PLEKHH2: variants seen among roughly 807,000 people sequenced by gnomAD.
PLEKHH2 encodes the protein pleckstrin homology, MyTH4 and FERM domain containing H2.
Under a neutral mutation model 187.9 loss-of-function variants are expected in PLEKHH2, and 129 were observed. The observed-to-expected ratio is 0.69, with a 90% confidence interval of 0.59 to 0.79. The LOEUF is 0.79. Ranked by LOEUF, PLEKHH2 falls within the 30% of genes least tolerant of loss-of-function variation. The pLI is 0.00. For synonymous variants in PLEKHH2, 686 were observed against 605.6 expected, an observed-to-expected ratio of 1.13 and a Z score of -1.95; for missense variants, 2,076 against 1,751.2, an observed-to-expected ratio of 1.19 and a Z score of -3.31.
intron 21 of PLEKHH2, 80 bp from the exon 22 acceptor site, chr2:43,742,661 G>A (rs973540945): frequency 3.8e-5 from 41 of 1,090,364 alleles, no homozygotes; most frequent in Admixed American, 7.2e-5. Flanking sequence ...TAATGTACAC[G>A]GATGCTTTCT....
chr2:43,637,956 C>G (rs1192666131), intron 1 of PLEKHH2, among the ~76,000 whole-genome samples: 2 of 152,184 alleles, frequency 1.3e-5, no homozygotes, highest in African/African-American at 4.8e-5. Context: ...ACACTTTTTA[C>G]CCGTCGATAT....
At chr2:43,666,869 T>C (rs1326428580) in intron 2 of PLEKHH2, among the ~76,000 whole-genome samples, 1 of 152,196 alleles carries the variant, frequency 6.6e-6, no homozygotes, top group Non-Finnish European at 1.5e-5. Context: ...TCAGATGTGT[T>C]TTGCACTAAT....
intron 2 of PLEKHH2, among the ~76,000 whole-genome samples, chr2:43,645,221 T>C (rs778736797): frequency 6.6e-6 from 1 of 152,170 alleles, no homozygotes; most frequent in Non-Finnish European, 1.5e-5. Context: ...TGACTAAGTA[T>C]ATATTGCTAA....
At chr2:43,744,871 A>G (rs1671713236) in intron 23 of PLEKHH2, among the ~76,000 whole-genome samples, 1 of 141,620 alleles carries the variant, frequency 7.1e-6, no homozygotes, top group Non-Finnish European at 1.6e-5. Flanking sequence ...GTCTCACAAA[A>G]AAAAAAAAAA....
intron 2 of PLEKHH2, chr2:43,675,607 C>T (rs1382209404): frequency 1.2e-6 from 2 of 1,613,428 alleles, no homozygotes; most frequent in Non-Finnish European, 1.7e-6. Context: ...TACATCTCTT[C>T]CTTCATAATC....
At chr2:43,747,374 G>A (rs181246341) in intron 24 of PLEKHH2, among the ~76,000 whole-genome samples, 26 of 152,244 alleles carry the variant, frequency 1.7e-4, no homozygotes, top group African/African-American at 6.0e-4. Context: ...GGGAGACCTC[G>A]GGAGGCTTCT....
At chr2:43,693,742 G>GAAAAAAAAAAAAA (rs1304124515) in intron 4 of PLEKHH2, among the ~76,000 whole-genome samples, 8 of 99,168 alleles carry the variant, frequency 8.1e-5, no homozygotes, top group South Asian at 3.1e-4. Context: ...AAAAAAAAAG[G>GAAAAAAAAAAAAA]AAAAAATTGC....
At chr2:43,682,421 C>T (rs1295502038) in intron 3 of PLEKHH2, among the ~76,000 whole-genome samples, 1 of 152,094 alleles carries the variant, frequency 6.6e-6, no homozygotes, top group Non-Finnish European at 1.5e-5. Context: ...ATTCTCCTGC[C>T]TCAGCCTCCC....
At chr2:43,668,327 T>C (rs2195837) in intron 2 of PLEKHH2, among the ~76,000 whole-genome samples, 71,147 of 152,142 alleles carry the variant, frequency 0.47, 17,206 homozygotes, top group Non-Finnish European at 0.51. Context: ...CCATCGCACC[T>C]GGCCACATTC....
At chr2:43,684,840 A>C in intron 3 of PLEKHH2, among the ~76,000 whole-genome samples, 1 of 150,822 alleles carries the variant, frequency 6.6e-6, no homozygotes, top group Middle Eastern at 3.5e-3. Flanking sequence ...AAAAAAAGAG[A>C]GAGAATTACA....
In PLEKHH2 at chr2:43,710,585, T is replaced by A; in HGVS notation, c.2301+10T>A. 6 of 298,414 alleles carry A rather than the reference T, an allele frequency of 2.0e-5. No homozygotes were observed. Among genetic ancestry groups the A allele is most frequent in the South Asian group, 3.9e-5 (1 of 25,712 alleles). The allele number at this position is 298,414 out of a possible 1,614,324, so 18.5% of individuals were successfully genotyped here. A position where few individuals can be genotyped will look rare whatever the true frequency, so the allele number is the denominator to read the frequency against. On this transcript the variant is annotated intron_variant, in intron 14 of 29. Coordinates refer to ENST00000282406, the MANE Select transcript of PLEKHH2 (RefSeq NM_172069.4). ...CAAACAAACAGTTCAGGTACTTAAC[T>A]TTTTTTTTTTTTTTTTTTTTTTTGT...
intron 17 of PLEKHH2, among the ~76,000 whole-genome samples, chr2:43,728,517 T>C (rs564887905): frequency 6.8e-6 from 1 of 147,850 alleles, no homozygotes; most frequent in South Asian, 2.1e-4. Flanking sequence ...AAAATGTTAG[T>C]AAATGTAGCC....
intron 2 of PLEKHH2, among the ~76,000 whole-genome samples, chr2:43,657,256 T>A (rs1344808435): frequency 6.6e-6 from 1 of 152,194 alleles, no homozygotes; most frequent in Non-Finnish European, 1.5e-5. Context: ...CTAGGTCTCC[T>A]GGCCTCCCAT....
At chr2:43,748,042 C>A (rs7570306) in intron 24 of PLEKHH2, among the ~76,000 whole-genome samples, 62,012 of 152,010 alleles carry the variant, frequency 0.41, 14,940 homozygotes, top group African/African-American at 0.67. Flanking sequence ...ATGTTTATTA[C>A]TAGGGAGAAC....
At chr2:43,712,158 C>T in intron 14 of PLEKHH2, 67 bp from the exon 15 acceptor site, 1 of 1,545,148 alleles carries the variant, frequency 6.5e-7, no homozygotes, top group South Asian at 1.1e-5. Context: ...GAATAATGAA[C>T]AAGGAAATGC....
chr2:43,669,533 A>T (rs898650872), intron 2 of PLEKHH2, among the ~76,000 whole-genome samples: 2 of 152,212 alleles, frequency 1.3e-5, no homozygotes, highest in African/African-American at 4.8e-5. Context: ...ATGATATAAG[A>T]CACGAATAGC....
chr2:43,728,959 A>G (rs1213234423), intron 17 of PLEKHH2, among the ~76,000 whole-genome samples: 4 of 152,188 alleles, frequency 2.6e-5, no homozygotes, highest in Non-Finnish European at 5.9e-5. Flanking sequence ...CTGTCACAGT[A>G]TTTTTTATCA....
At chr2:43,650,799 C>G (rs1666431812) in intron 2 of PLEKHH2, among the ~76,000 whole-genome samples, 1 of 151,842 alleles carries the variant, frequency 6.6e-6, no homozygotes, top group Non-Finnish European at 1.5e-5. Flanking sequence ...TCATGCATCA[C>G]CATGCCTGGC....
chr2:43,716,465 A>G (rs1322620222), intron 15 of PLEKHH2, among the ~76,000 whole-genome samples: 1 of 152,192 alleles, frequency 6.6e-6, no homozygotes, highest in East Asian at 1.9e-4. Context: ...GGAAAGTAGG[A>G]TGTACCCAAG....
Sources: allele counts gnomAD v4.1 joint callset (sites outside exome capture counted in the v4.1 genomes callset), GRCh38; gene constraint gnomAD v4.1.1; transcripts MANE v1.5; gene names NCBI Gene and HGNC (gene_info 2026-07-23, HGNC 2026-07-21).